The following MYT1 variants were observed in gnomAD, a reference collection of about 807,000 sequenced individuals.
The protein encoded by MYT1 is myelin transcription factor 1.
Under a neutral mutation model 123.0 loss-of-function variants are expected in MYT1, and 23 were observed. The ratio of observed to expected loss-of-function variants is 0.19; its 90% CI spans 0.13 to 0.26. The LOEUF (loss-of-function observed/expected upper bound fraction) is 0.26, where lower values mean the gene tolerates loss of function less well. Ranked by LOEUF, MYT1 falls within the 10% of genes least tolerant of loss-of-function variation. The pLI is 1.00. For synonymous variants in MYT1, 518 were observed against 575.3 expected (o/e 0.90, Z 1.43); for missense variants, 1,125 against 1,472.5 (o/e 0.76, Z 3.86).
At chr20:64,229,885 C>T (rs974515089) in intron 18 of MYT1, among the ~76,000 whole-genome samples, 2 of 152,162 alleles carry the variant, frequency 1.3e-5, no homozygotes, top group Admixed American at 1.3e-4. Flanking sequence ...GGTGAATGCT[C>T]CCCTTGCCCT....
In MYT1 at chr20:64,203,829, C is replaced by T. The variant is rs775043068; in HGVS notation, c.87-1206C>T. ...GTGTCTGGATAGAGACTGGGGATGG[C>T]GTTCTTTTCCCCGGGTCCCAGGTAT... On this transcript the variant is annotated intron_variant, in intron 4 of 22. Coordinates refer to ENST00000328439, the MANE Select transcript of MYT1 (RefSeq NM_004535.3). This position sits in a 1 kb window ranked among gnomAD's most constrained non-coding sequence, Gnocchi z 5.1. 6.6e-6 allele frequency among the ~76,000 whole-genome samples: 1 copy of T among 152,236 alleles called. No individual in the cohort carries two copies. The highest frequency in any genetic ancestry group is 1.5e-5 in the Non-Finnish European group (1 of 68,040).
Position 64,193,212 on chromosome 20 carries a change from G to T in MYT1, c.-1+3052G>T, listed in dbSNP as rs936425120. Reference sequence around the variant, plus strand: ...AGGGTACTGTGATGGCTGCCAGTGGGGATCAGGGGTGAGGGCATATGGTTT... The same window carrying T: ...AGGGTACTGTGATGGCTGCCAGTGGTGATCAGGGGTGAGGGCATATGGTTT... On this transcript the variant is annotated intron_variant, in intron 2 of 22. Transcript: ENST00000328439. This position sits in a 1 kb window ranked among gnomAD's most constrained non-coding sequence, Gnocchi z 4.0. 6.6e-6 allele frequency among the ~76,000 whole-genome samples: 1 copy of T among 152,296 alleles called. No individual in the cohort carries two copies. The highest frequency in any genetic ancestry group is 6.5e-5 in the Admixed American group (1 of 15,296).
intron 1 of MYT1, among the ~76,000 whole-genome samples, chr20:64,182,977 A>C (rs1015778139): frequency 3.3e-5 from 5 of 151,926 alleles, no homozygotes; most frequent in African/African-American, 1.2e-4. Context: ...CTATCACCAC[A>C]GCCCAAGTTT....
At chr20:64,201,327 G>A (rs1418221726) in intron 4 of MYT1, among the ~76,000 whole-genome samples, 2 of 152,252 alleles carry the variant, frequency 1.3e-5, no homozygotes, top group African/African-American at 2.4e-5. Context: ...GGATTTTGAC[G>A]CCCTCATCAT....
rs1747246017 is a variant in MYT1 at position 64,208,546 on chromosome 20, T to G, written c.1291+59T>G. The G allele has an allele frequency of 6.6e-7, 1 of 1,519,814 alleles. No individual in the cohort carries two copies. Among genetic ancestry groups the G allele is most frequent in the Admixed American group, 2.1e-5 (1 of 48,090 alleles). The allele number at this position is 1,519,814 out of a possible 1,614,324, so 94.1% of individuals were successfully genotyped here. Reference sequence around the variant, plus strand: ...CATCCTTTCACCCCTGCCCCAGGTGTGCAGATGCAGGCTGAGAGCCCTTCT... The same window carrying G: ...CATCCTTTCACCCCTGCCCCAGGTGGGCAGATGCAGGCTGAGAGCCCTTCT... On this transcript the variant is annotated intron_variant, in intron 7 of 22. Coordinates refer to ENST00000328439, the MANE Select transcript of MYT1 (RefSeq NM_004535.3). This position sits in a 1 kb window ranked among gnomAD's most constrained non-coding sequence, Gnocchi z 5.4.
At chr20:64,169,423 G>A (rs895051652) in intron 1 of MYT1, among the ~76,000 whole-genome samples, 1 of 152,212 alleles carries the variant, frequency 6.6e-6, no homozygotes, top group Non-Finnish European at 1.5e-5. Flanking sequence ...AAAATCAAAT[G>A]GCTTTAGCAG....
intron 1 of MYT1, among the ~76,000 whole-genome samples, chr20:64,170,884 T>TATATAG (rs1569303821): frequency 1.1e-3 from 22 of 19,988 alleles, no homozygotes; most frequent in East Asian, 2.5e-3. Context: ...TATATATATA[T>TATATAG]AGAGAGAGAG....
In MYT1 at chr20:64,232,442, G is replaced by A. The variant is rs1219650292; in HGVS notation, c.2897+57G>A. Reference sequence around the variant, plus strand: ...GCAGTCAGTAGGGACCCTCGCCTGGGGCCTGGGGCTGAAGCTCCTGAGGGA... The same window carrying A: ...GCAGTCAGTAGGGACCCTCGCCTGGAGCCTGGGGCTGAAGCTCCTGAGGGA... On this transcript the variant is annotated intron_variant, in intron 19 of 22. Coordinates refer to ENST00000328439, the MANE Select transcript of MYT1 (RefSeq NM_004535.3). This position sits in a 1 kb window ranked among gnomAD's most constrained non-coding sequence, Gnocchi z 6.9. 6 of 1,558,750 alleles carry A rather than the reference G, an allele frequency of 3.8e-6. No individual in the cohort carries two copies. The highest frequency in any genetic ancestry group is 1.7e-5 in the Admixed American group (1 of 58,882).
At chr20:64,182,409 G>A (rs906440510) in intron 1 of MYT1, among the ~76,000 whole-genome samples, 3 of 152,240 alleles carry the variant, frequency 2.0e-5, no homozygotes, top group Admixed American at 1.3e-4. Context: ...CCTGGCCATC[G>A]GCTCAGCTGC....
rs137882088 is a variant in MYT1, at chr20:64,176,886, C to A, written c.-99+12147C>A. Among the ~76,000 whole-genome samples, 71 of 152,314 alleles carry A rather than the reference C, an allele frequency of 4.7e-4. No individual in the cohort carries two copies. In the East Asian group the frequency reaches 0.013, roughly 29 times the overall value. ...TGACAGGCCGCCTGGAGAGCCCGTC[C>A]TGTGATTTGGTTTGGAAAGTCATTA... On this transcript the variant is annotated intron_variant, in intron 1 of 22. Transcript: ENST00000328439.
intron 22 of MYT1, among the ~76,000 whole-genome samples, 187 bp downstream of exon 22, chr20:64,240,090 T>C (rs1485795966): frequency 6.6e-6 from 1 of 152,184 alleles, no homozygotes; most frequent in African/African-American, 2.4e-5. Context: ...GCCACCATAA[T>C]GAGTAGCTGC....
intron 16 of MYT1, among the ~76,000 whole-genome samples, chr20:64,226,671 G>A (rs1377443420): frequency 1.3e-5 from 2 of 152,228 alleles, no homozygotes; most frequent in Non-Finnish European, 2.9e-5. Context: ...GTGGACATTC[G>A]GAAGAAAATA....
chr20:64,228,049 C>A (rs1182102327), intron 18 of MYT1, 78 bp downstream of exon 18: 2 of 1,357,198 alleles, frequency 1.5e-6, no homozygotes, highest in Non-Finnish European at 2.1e-6. Context: ...AAAAAAACTC[C>A]TACTAGATTC....
At position 64,212,044 on chromosome 20, in the gene MYT1, A is replaced by C. The variant is rs1411336885; in HGVS notation, c.1427-4A>C. 6.2e-7 allele frequency: 1 copy of C among 1,612,536 alleles called. No homozygotes were observed. Among genetic ancestry groups the C allele is most frequent in the Admixed American group, 1.7e-5 (1 of 60,014 alleles). ...GGCTCCCTCCACCCCCTGTTCTCTT[A>C]CAGTCTTAGCCATGCATGAGAACGT... On this transcript the variant is annotated splice_polypyrimidine_tract_variant and splice_region_variant and intron_variant, in intron 8 of 22. Transcript: ENST00000328439. This position sits in a 1 kb window ranked among gnomAD's most constrained non-coding sequence, Gnocchi z 6.8.
chr20:64,169,088 C>T (rs932267271), intron 1 of MYT1, among the ~76,000 whole-genome samples: 9 of 152,166 alleles, frequency 5.9e-5, no homozygotes, highest in Admixed American at 2.0e-4. Flanking sequence ...TGGGTCAAGG[C>T]GGTTGGAGCC....
At position 64,196,559 on chromosome 20, in the gene MYT1, A is replaced by G. The variant is rs1252849735; in HGVS notation, c.1-2303A>G. ...CCAGCTCTTACGGGTTCATTCTCGT[A>G]TTAAAGAGCCTGGTTTATTTTTTCT... On this transcript the variant is annotated intron_variant, in intron 2 of 22. Coordinates refer to ENST00000328439, the MANE Select transcript of MYT1 (RefSeq NM_004535.3). This position sits in a 1 kb window ranked among gnomAD's most constrained non-coding sequence, Gnocchi z 4.3. Among the ~76,000 whole-genome samples, 1 of 152,268 alleles carries G rather than the reference A, an allele frequency of 6.6e-6. No homozygotes were observed. Among genetic ancestry groups the G allele is most frequent in the Admixed American group, 6.5e-5 (1 of 15,290 alleles).
intron 16 of MYT1, among the ~76,000 whole-genome samples, chr20:64,224,602 C>T (rs1334463655): frequency 6.6e-6 from 1 of 152,248 alleles, no homozygotes; most frequent in South Asian, 2.1e-4. Flanking sequence ...ACAGCAGCTG[C>T]ACACATTGAC....
intron 11 of MYT1, 100 bp downstream of exon 11, chr20:64,217,381 A>G (rs1568714849): frequency 2.3e-6 from 3 of 1,290,322 alleles, no homozygotes; most frequent in Non-Finnish European, 3.3e-6. Flanking sequence ...AGGAGCTACT[A>G]GGGAGGGAAA....
chr20:64,235,883 T>G (rs554453952), intron 19 of MYT1, among the ~76,000 whole-genome samples: 4 of 129,958 alleles, frequency 3.1e-5, no homozygotes, highest in Admixed American at 7.7e-5. Context: ...GGGATGGTCA[T>G]GGTGGGTGAC....
Sources: allele counts gnomAD v4.1 joint callset (sites outside exome capture counted in the v4.1 genomes callset), GRCh38; gene constraint gnomAD v4.1.1; non-coding constraint Gnocchi (gnomAD v3.1); transcripts MANE v1.5; gene names NCBI Gene and HGNC (gene_info 2026-07-23, HGNC 2026-07-21).